The following TMEM11 variants were observed in gnomAD, a reference collection of about 807,000 sequenced individuals.
TMEM11 encodes transmembrane protein 11, mitochondrial.
TMEM11 carries 1 observed loss-of-function variant against 17.0 expected under a neutral mutation model. That is an observed-to-expected ratio of 0.06 (90% CI 0.02 to 0.28). TMEM11 has a LOEUF of 0.28. Ranked by LOEUF, TMEM11 falls within the 10% of genes least tolerant of loss-of-function variation. The pLI is 1.00. For missense variants in TMEM11, 172 were observed against 252.9 expected, an observed-to-expected ratio of 0.68 and a Z score of 2.17; for synonymous variants, 122 against 118.1, an observed-to-expected ratio of 1.03 and a Z score of -0.21.
intron 1 of TMEM11, among the ~76,000 whole-genome samples, chr17:21,209,058 G>A (rs992262836): frequency 1.3e-5 from 2 of 152,232 alleles, no homozygotes; most frequent in African/African-American, 2.4e-5. Flanking sequence ...GTGAAAGCCC[G>A]TGCCCCAGAC....
chr17:21,205,322 A>T (rs28550107), intron 1 of TMEM11, among the ~76,000 whole-genome samples: 8,598 of 152,224 alleles, frequency 0.056, 368 homozygotes, highest in African/African-American at 0.12. Context: ...GACATGAATC[A>T]GTTCCAGTGG....
intron 1 of TMEM11, among the ~76,000 whole-genome samples, chr17:21,201,021 AAG>A (rs775845565): frequency 1.3e-5 from 2 of 152,228 alleles, no homozygotes; most frequent in Non-Finnish European, 2.9e-5. Context: ...TTCAAGGAAA[AAG>A]AACAGGCAAT....
chr17:21,199,314 G>A lies in TMEM11; in HGVS notation c.63-474C>T, dbSNP rs144534208. 7.2e-3 allele frequency among the ~76,000 whole-genome samples: 699 copies of A among 97,640 alleles called. 12 individuals carry two copies. The highest frequency in any genetic ancestry group is 0.025 in the African/African-American group (654 of 25,902). 64.1% of individuals were successfully genotyped at this position (97,640 alleles called of 152,430 possible). Reference sequence around the variant, plus strand: ...TGCACTCCAGCCTGGGTGACAGGGCGAGACTCAGTCTCAGAAAAAAAAAAA... The same window carrying A: ...TGCACTCCAGCCTGGGTGACAGGGCAAGACTCAGTCTCAGAAAAAAAAAAA... On this transcript the variant is annotated intron_variant, in intron 1 of 1. Transcript: ENST00000317635.
At position 21,209,333 on chromosome 17, in the gene TMEM11, A is replaced by G. The variant is rs550746385; in HGVS notation, c.62+4758T>C. Among the ~76,000 whole-genome samples the G allele has an allele frequency of 6.8e-4, 103 of 152,308 alleles. 1 individual carries two copies. Among genetic ancestry groups the G allele is most frequent in the African/African-American group, 2.4e-3 (98 of 41,558 alleles). On this transcript the variant is annotated intron_variant, in intron 1 of 1. Transcript: ENST00000317635. ...CCCGGCCCCTCTGAGCCAGTTTCCC[A>G]TGTTGTCAAACGGGGCCAGAGGCCC...
At chr17:21,200,557 T>A (rs1974872328) in intron 1 of TMEM11, among the ~76,000 whole-genome samples, 1 of 152,128 alleles carries the variant, frequency 6.6e-6, no homozygotes, top group East Asian at 1.9e-4. Context: ...CCCAGGATGG[T>A]CGGACCCATC....
chr17:21,200,724 T>C (rs1459698808), intron 1 of TMEM11, among the ~76,000 whole-genome samples: 2 of 152,202 alleles, frequency 1.3e-5, no homozygotes, highest in African/African-American at 4.8e-5. Context: ...TGACAGGAAC[T>C]AGCTTCCTTT....
Position 21,202,568 on chromosome 17 carries a change from C to T in TMEM11, c.63-3728G>A, listed in dbSNP as rs567147857. 5.3e-5 allele frequency among the ~76,000 whole-genome samples: 8 copies of T among 152,276 alleles called. No individual in the cohort carries two copies. The East Asian group carries it at 1.5e-3, about 29-fold the overall frequency. Reference sequence around the variant, plus strand: ...GTGGGCAGATCCCACCCCCTCACCCCCTCCGGCCCCCCTGCAAGCCCAGCT... The same window carrying T: ...GTGGGCAGATCCCACCCCCTCACCCTCTCCGGCCCCCCTGCAAGCCCAGCT... On this transcript the variant is annotated intron_variant, in intron 1 of 1. Coordinates refer to ENST00000317635, the MANE Select transcript of TMEM11 (RefSeq NM_003876.3).
At chr17:21,199,088 G>GGT (rs1974852181) in intron 1 of TMEM11, among the ~76,000 whole-genome samples, 1 of 129,926 alleles carries the variant, frequency 7.7e-6, no homozygotes, top group Non-Finnish European at 1.8e-5. Context: ...TTGGGAGGCC[G>GGT]GGGGGGCGGA....
At chr17:21,210,577 C>T (rs939703120) in intron 1 of TMEM11, among the ~76,000 whole-genome samples, 1 of 152,218 alleles carries the variant, frequency 6.6e-6, no homozygotes, top group African/African-American at 2.4e-5. Context: ...ATGACCCAAC[C>T]TGCCCCCGGG....
chr17:21,207,497 C>T (rs543526807), intron 1 of TMEM11, among the ~76,000 whole-genome samples: 54 of 151,992 alleles, frequency 3.6e-4, no homozygotes, highest in African/African-American at 1.2e-3. Context: ...CACTGCATTC[C>T]AGCCTGGGTG....
intron 1 of TMEM11, among the ~76,000 whole-genome samples, chr17:21,211,618 C>T (rs1279252829): frequency 1.3e-5 from 2 of 152,190 alleles, no homozygotes; most frequent in Non-Finnish European, 2.9e-5. Context: ...CACACAGCGC[C>T]GGCAGTAATA....
Position 21,198,624 on chromosome 17 carries a change from G to A in TMEM11, c.279C>T (p.Leu93=), listed in dbSNP as rs772289833. ...CTAAGGGCAGCGCCAACGGGGTGAA[G>A]AGGCAGGCGGTGCCCGCCAGCACGG... is the stretch of plus-strand genomic sequence containing the variant. ...KTAVLAGTAC[L]FTPLALPLDY... is the part of the protein sequence containing the mutation. The change falls in exon 2 of 2, where the codon CTC becomes CTT. Residue 93 remains leucine, a synonymous_variant. Coordinates refer to ENST00000317635, the MANE Select transcript of TMEM11 (RefSeq NM_003876.3). The surrounding 1 kb of genome is among the most constrained non-coding windows in gnomAD (Gnocchi z 6.5). 4.3e-6 allele frequency: 7 copies of A among 1,613,446 alleles called. No homozygotes were observed. In the South Asian group the frequency reaches 4.4e-5, roughly 10 times the overall value.
chr17:21,206,053 G>GC (rs1974939090), intron 1 of TMEM11, among the ~76,000 whole-genome samples: 1 of 151,932 alleles, frequency 6.6e-6, no homozygotes, highest in Admixed American at 6.6e-5. Context: ...TTTTTGGGGG[G>GC]GGGGTATATA....
chr17:21,212,118 C>G (rs1975009049), intron 1 of TMEM11, among the ~76,000 whole-genome samples: 1 of 152,192 alleles, frequency 6.6e-6, no homozygotes, highest in South Asian at 2.1e-4. Context: ...GGAAATGACT[C>G]TTCCAACAGA....
intron 1 of TMEM11, among the ~76,000 whole-genome samples, chr17:21,205,668 C>G (rs1452510722): frequency 6.6e-6 from 1 of 152,052 alleles, no homozygotes; most frequent in Non-Finnish European, 1.5e-5. Context: ...CTTTACCTTC[C>G]CAAACTGAAA....
chr17:21,202,965 G>A (rs1481392976), intron 1 of TMEM11, among the ~76,000 whole-genome samples: 1 of 152,240 alleles, frequency 6.6e-6, no homozygotes, highest in African/African-American at 2.4e-5. Context: ...CACTGTTGCT[G>A]CCCACTGTCT....
chr17:21,200,566 T>A (rs1250680617), intron 1 of TMEM11, among the ~76,000 whole-genome samples: 1 of 152,128 alleles, frequency 6.6e-6, no homozygotes, highest in African/African-American at 2.4e-5. Flanking sequence ...GTCGGACCCA[T>A]CTGACTAAAG....
At chr17:21,211,639 T>C (rs2144312837) in intron 1 of TMEM11, among the ~76,000 whole-genome samples, 1 of 152,330 alleles carries the variant, frequency 6.6e-6, no homozygotes, top group Middle Eastern at 3.4e-3. Flanking sequence ...CTGCAGGCAG[T>C]CTGGCACTGG....
intron 1 of TMEM11, among the ~76,000 whole-genome samples, chr17:21,206,677 C>G (rs1244921327): frequency 4.6e-5 from 7 of 152,082 alleles, no homozygotes; most frequent in Non-Finnish European, 7.4e-5. Context: ...GCTGGGATTA[C>G]AGGCACGTGC....
Sources: allele counts gnomAD v4.1 joint callset (sites outside exome capture counted in the v4.1 genomes callset), GRCh38; gene constraint gnomAD v4.1.1; non-coding constraint Gnocchi (gnomAD v3.1); transcripts MANE v1.5; gene names NCBI Gene and HGNC (gene_info 2026-07-23, HGNC 2026-07-21).